The following RBM6 variants were observed in gnomAD, a reference collection of about 807,000 sequenced individuals.
RBM6 encodes the protein RNA-binding protein 6.
A neutral mutation model predicts 140.4 loss-of-function variants in RBM6; 23 were observed. The observed-to-expected ratio is 0.16, with a 90% CI of 0.12 to 0.23. The LOEUF (loss-of-function observed/expected upper bound fraction) is 0.23. RBM6 is among the 10% of genes least tolerant of loss of function. The probability of loss-of-function intolerance (pLI) is 1.00; values close to 1 mark genes in which losing one functional copy is unlikely to be tolerated. For synonymous variants in RBM6, 439 were observed against 475.6 expected (o/e 0.92, Z 1.00); for missense variants, 1,139 against 1,386.7 (o/e 0.82, Z 2.84).
intron 2 of RBM6, among the ~76,000 whole-genome samples, chr3:49,963,652 G>A (rs955896111): frequency 2.6e-5 from 4 of 152,118 alleles, no homozygotes; most frequent in Non-Finnish European, 4.4e-5. Flanking sequence ...GAAAGTGGTA[G>A]CATTTAGTTG....
intron 6 of RBM6, among the ~76,000 whole-genome samples, chr3:50,039,745 A>C (rs900065272): frequency 1.2e-4 from 19 of 152,164 alleles, no homozygotes; most frequent in Non-Finnish European, 2.2e-4. Context: ...CAATCTACGG[A>C]GATTCTGTGA....
At chr3:50,059,411 T>G (rs1168274005) in intron 10 of RBM6, 1 of 320,006 alleles carries the variant, frequency 3.1e-6, no homozygotes, top group Non-Finnish European at 5.7e-6. Flanking sequence ...GATTTGAATT[T>G]CTGAAGTTTA....
chr3:50,003,462 A>T lies in RBM6; in HGVS notation c.1557+3949A>T, dbSNP rs771515973. On this transcript the variant is annotated intron_variant, in intron 6 of 20. Coordinates refer to ENST00000266022, the MANE Select transcript of RBM6 (RefSeq NM_005777.3). ...TGTGCCTCTGAGAAGGTTACTCCGA[A>T]GTACTTTGAGTTTTTTTGTAACTCT... Among the ~76,000 whole-genome samples, 4 of 152,076 alleles carry T rather than the reference A, an allele frequency of 2.6e-5. No individual in the cohort carries two copies. The South Asian group carries it at 6.2e-4, about 24-fold the overall frequency.
intron 6 of RBM6, among the ~76,000 whole-genome samples, chr3:50,007,960 G>A (rs879667066): frequency 2.0e-5 from 3 of 152,182 alleles, no homozygotes; most frequent in Non-Finnish European, 4.4e-5. Context: ...GCTGGGTATG[G>A]TGGTGCACAC....
intron 1 of RBM6, among the ~76,000 whole-genome samples, chr3:49,962,025 G>A (rs568441586): frequency 7.4e-4 from 113 of 151,910 alleles, no homozygotes; most frequent in African/African-American, 2.5e-3. Context: ...GGCGGCCGGC[G>A]TGCGCCTGTA....
intron 6 of RBM6, among the ~76,000 whole-genome samples, chr3:50,020,490 A>G (rs1057374765): frequency 1.3e-5 from 2 of 152,138 alleles, no homozygotes; most frequent in African/African-American, 2.4e-5. Context: ...CTTTTAATAT[A>G]TGCATTCAGT....
chr3:50,061,583 TTACCTCTGTCAATGA>T, intron 14 of RBM6, 36 bp downstream of exon 14: 2 of 1,476,918 alleles, frequency 1.4e-6, no homozygotes, highest in East Asian at 2.3e-5. Context: ...TTTTTTTTTT[TTACCTCTGTCAATGA>T]TTCTTTTGAG....
At chr3:50,017,035 G>A (rs1002319442) in intron 6 of RBM6, among the ~76,000 whole-genome samples, 15 of 151,656 alleles carry the variant, frequency 9.9e-5, no homozygotes, top group African/African-American at 2.9e-4. Flanking sequence ...TATGTTGTCC[G>A]GGCTGGTCTT....
chr3:50,007,005 C>A (rs1408132326), intron 6 of RBM6, among the ~76,000 whole-genome samples: 2 of 151,486 alleles, frequency 1.3e-5, no homozygotes, highest in South Asian at 2.1e-4. Context: ...CACACAACTT[C>A]TCATCTGAAA....
chr3:50,060,773 A>AAG (rs1204290372), intron 11 of RBM6, 183 bp from the exon 12 acceptor site: 2 of 409,740 alleles, frequency 4.9e-6, no homozygotes, highest in Admixed American at 4.4e-5. Context: ...AAAAAAAAAA[A>AAG]AAAGAGTCTT....
chr3:49,995,641 T>TA (rs1379480063), intron 5 of RBM6, among the ~76,000 whole-genome samples: 3 of 152,218 alleles, frequency 2.0e-5, no homozygotes, highest in Admixed American at 1.3e-4. Flanking sequence ...GTAATAGTCA[T>TA]ATAAATAAGC....
At chr3:50,072,467 C>G (rs2090336066) in intron 19 of RBM6, among the ~76,000 whole-genome samples, 1 of 151,300 alleles carries the variant, frequency 6.6e-6, no homozygotes, top group African/African-American at 2.4e-5. Context: ...GATGCATGAG[C>G]AGAAGGAAAG....
chr3:49,944,624 C>T (rs746490476), intron 1 of RBM6, among the ~76,000 whole-genome samples: 3 of 149,340 alleles, frequency 2.0e-5, no homozygotes, highest in Non-Finnish European at 3.0e-5. Context: ...TACAGATGTG[C>T]GCCACCATGC....
At chr3:49,963,542 A>G (rs1324298467) in intron 2 of RBM6, among the ~76,000 whole-genome samples, 1 of 152,214 alleles carries the variant, frequency 6.6e-6, no homozygotes, top group East Asian at 1.9e-4. Flanking sequence ...TCACTAATTT[A>G]TGTCTAGAAT....
At chr3:50,072,572 G>A (rs1003362222) in intron 19 of RBM6, among the ~76,000 whole-genome samples, 1 of 152,102 alleles carries the variant, frequency 6.6e-6, no homozygotes, top group African/African-American at 2.4e-5. Flanking sequence ...AATAAGAGAA[G>A]TATTTTTGTA....
intron 2 of RBM6, among the ~76,000 whole-genome samples, chr3:49,966,276 G>C (rs982404531): frequency 1.3e-5 from 2 of 152,250 alleles, no homozygotes; most frequent in Non-Finnish European, 2.9e-5. Flanking sequence ...TGTTCTGGGA[G>C]GCAAGAATTG....
chr3:49,979,303 A>G (rs1379211877), intron 5 of RBM6, among the ~76,000 whole-genome samples: 1 of 152,136 alleles, frequency 6.6e-6, no homozygotes, highest in Non-Finnish European at 1.5e-5. Context: ...TGGTTATGGT[A>G]CTTCTTTTGG....
At position 50,051,846 on chromosome 3, in the gene RBM6, G is replaced by A. The variant is rs1289693521; in HGVS notation, c.1633-2489G>A. ...CAATGAAAAGGAATGAAGTACTGAT[G>A]CATGTTACAACCTAGATGAACCTTG... is the stretch of plus-strand genomic sequence containing the variant. On this transcript the variant is annotated intron_variant, in intron 7 of 20. Transcript: ENST00000266022. Among the ~76,000 whole-genome samples, 10 of 152,304 alleles carry A rather than the reference G, an allele frequency of 6.6e-5. No homozygotes were observed. In the East Asian group the frequency reaches 1.7e-3, roughly 26 times the overall value.
At chr3:49,980,698 G>C (rs1394108724) in intron 5 of RBM6, among the ~76,000 whole-genome samples, 1 of 148,720 alleles carries the variant, frequency 6.7e-6, no homozygotes, top group Non-Finnish European at 1.5e-5. Context: ...GGAGGCGGAG[G>C]TTGCAGTGAG....
Sources: gnomAD v4.1 joint callset for allele counts (sites outside exome capture counted in the v4.1 genomes callset) on GRCh38, gnomAD v4.1.1 for gene constraint, MANE v1.5 for transcripts, NCBI Gene and HGNC (gene_info 2026-07-23, HGNC 2026-07-21) for gene names.